Variants in CEP112 observed in about 807,000 individuals in gnomAD.
The protein encoded by CEP112 is centrosomal protein 112, also known as centrosomal protein of 112 kDa.
Under a neutral mutation model 153.0 loss-of-function variants are expected in CEP112, and 127 were observed. The observed-to-expected ratio is 0.83, with a 90% CI of 0.72 to 0.96. The LOEUF (loss-of-function observed/expected upper bound fraction) is 0.96. CEP112 is among the 40% of genes least tolerant of loss of function. The probability of loss-of-function intolerance (pLI) is 0.00; values close to 1 mark genes in which losing one functional copy is unlikely to be tolerated. For missense variants in CEP112, 1,089 were observed against 1,101.2 expected, an observed-to-expected ratio of 0.99 and a Z score of 0.16; for synonymous variants, 358 against 374.4, an observed-to-expected ratio of 0.96 and a Z score of 0.51.
chr17:65,870,411 T>C (rs977219070), intron 20 of CEP112, among the ~76,000 whole-genome samples: 1 of 152,238 alleles, frequency 6.6e-6, no homozygotes, highest in Non-Finnish European at 1.5e-5. Flanking sequence ...AGCACATTGA[T>C]CTATTTTGGA....
chr17:65,771,729 T>C (rs757823008), intron 21 of CEP112, among the ~76,000 whole-genome samples: 1 of 152,130 alleles, frequency 6.6e-6, no homozygotes, highest in Non-Finnish European at 1.5e-5. Flanking sequence ...AAAGAAAGAA[T>C]CATGGCTAGG....
chr17:66,166,446 G>A (rs1019020139), intron 4 of CEP112, among the ~76,000 whole-genome samples: 7 of 152,074 alleles, frequency 4.6e-5, no homozygotes, highest in East Asian at 3.9e-4. Flanking sequence ...ACCAGACCAC[G>A]TATACTTCAC....
chr17:66,010,278 A>T (rs1448579702), intron 16 of CEP112, among the ~76,000 whole-genome samples: 1 of 152,178 alleles, frequency 6.6e-6, no homozygotes, highest in African/African-American at 2.4e-5. Context: ...GCTGGTGTAT[A>T]AGAATGCTAG....
chr17:65,995,644 T>C (rs1426760135), intron 17 of CEP112, among the ~76,000 whole-genome samples: 1 of 152,196 alleles, frequency 6.6e-6, no homozygotes, highest in African/African-American at 2.4e-5. Context: ...AACAGCAACA[T>C]CTAAAAACAA....
intron 23 of CEP112, among the ~76,000 whole-genome samples, chr17:65,720,585 T>C (rs925031304): frequency 6.6e-6 from 1 of 152,054 alleles, no homozygotes; most frequent in Non-Finnish European, 1.5e-5. Flanking sequence ...TTTCTGTGGA[T>C]TGATGGCAAC....
chr17:65,667,957 C>T lies in CEP112; in HGVS notation c.2697+21172G>A, dbSNP rs150556995. On this transcript the variant is annotated intron_variant, in intron 24 of 26. Transcript: ENST00000535342. ...TGTCACCCAGGATGGAGTGCAGTGG[C>T]GCAGTCTCCACTCACTGCAACCTCA... 2.5e-3 allele frequency among the ~76,000 whole-genome samples: 371 copies of T among 150,830 alleles called. 3 individuals are homozygous for T. The highest frequency in any genetic ancestry group is 8.3e-3 in the African/African-American group (340 of 40,992).
At chr17:65,824,712 A>G (rs970407633) in intron 21 of CEP112, among the ~76,000 whole-genome samples, 2 of 152,146 alleles carry the variant, frequency 1.3e-5, no homozygotes, top group African/African-American at 4.8e-5. Flanking sequence ...TTTACAGCCT[A>G]TTTATGGAAA....
At chr17:66,188,714 T>A (rs1306235376) in intron 1 of CEP112, among the ~76,000 whole-genome samples, 1 of 89,152 alleles carries the variant, frequency 1.1e-5, no homozygotes, top group South Asian at 2.6e-4. Flanking sequence ...CTGGTACTCA[T>A]CATTTTTTGT....
In CEP112 at chr17:65,666,384, C is replaced by CATACTTAG. The variant is rs138592536; in HGVS notation, c.2697+22737_2697+22744dup. ...CAATGTCTACCTCATGGGACACCCA[C>CATACTTAG]ATACTTAGTAGCCAACATTACTGAC... On this transcript the variant is annotated intron_variant, in intron 24 of 26. Coordinates refer to ENST00000535342, the MANE Select transcript of CEP112 (RefSeq NM_001199165.4). Among the ~76,000 whole-genome samples the CATACTTAG allele has an allele frequency of 5.6e-3, 852 of 152,312 alleles. 6 individuals carry two copies. Among genetic ancestry groups the CATACTTAG allele is most frequent in the African/African-American group, 0.019 (797 of 41,572 alleles).
In CEP112 at chr17:66,029,880, T is replaced by G. The variant is rs771393908; in HGVS notation, c.1362A>C (p.Glu454Asp). 6 of 1,613,404 alleles carry G rather than the reference T, an allele frequency of 3.7e-6. No homozygotes were observed. In the Admixed American group the frequency reaches 8.3e-5, roughly 22 times the overall value. Residue 454 changes from glutamate to aspartate, a missense_variant, in exon 13 of 27, where the codon GAA becomes GAC. By Grantham distance (45) the Glu-to-Asp change is conservative. Coordinates refer to ENST00000535342, the MANE Select transcript of CEP112 (RefSeq NM_001199165.4). ...ATTTCAGACAATACCTTGCCTTTACTTCTTGTAATTCACTACACGTTATCT... is the reference window on the plus strand; with the variant it reads ...ATTTCAGACAATACCTTGCCTTTACGTCTTGTAATTCACTACACGTTATCT... ...CYQITCSELQ[E>D]VKARRNTLHK...
chr17:65,815,643 T>G (rs1287782509), intron 21 of CEP112, among the ~76,000 whole-genome samples: 3 of 152,046 alleles, frequency 2.0e-5, no homozygotes, highest in African/African-American at 7.2e-5. Flanking sequence ...AACTTGGTAT[T>G]TCCTTCCATT....
chr17:65,954,111 C>T (rs1779839399), intron 18 of CEP112, among the ~76,000 whole-genome samples: 2 of 152,312 alleles, frequency 1.3e-5, no homozygotes, highest in South Asian at 4.1e-4. Flanking sequence ...CACTCCCCTG[C>T]TATTTCCACC....
rs115378862 is a variant in CEP112 at position 66,137,671 on chromosome 17, T to C, written c.471-4908A>G. Among the ~76,000 whole-genome samples the C allele has an allele frequency of 4.1e-3, 626 of 152,228 alleles. 1 individual carries two copies. Among genetic ancestry groups the C allele is most frequent in the African/African-American group, 0.014 (574 of 41,564 alleles). ...AGAGAATGGGATGATATATGCAAAG[T>C]ACTGAAAGAGAAAAACTGCCAGTCA... On this transcript the variant is annotated intron_variant, in intron 4 of 26. Coordinates refer to ENST00000535342, the MANE Select transcript of CEP112 (RefSeq NM_001199165.4).
At chr17:65,680,466 C>T (rs1231541023) in intron 24 of CEP112, among the ~76,000 whole-genome samples, 1 of 152,100 alleles carries the variant, frequency 6.6e-6, no homozygotes, top group African/African-American at 2.4e-5. Flanking sequence ...CTCCCTCCTT[C>T]TCTCCATCTG....
rs146550088 is a variant in CEP112 at position 65,711,182 on chromosome 17, C to T, written c.2608-21964G>A. On this transcript the variant is annotated intron_variant, in intron 23 of 26. Coordinates refer to ENST00000535342, the MANE Select transcript of CEP112 (RefSeq NM_001199165.4). ...CCCAGCACTAAATTCAACTGTCATA[C>T]GATCAATTGAGTTTCTAGTATTAGA... Among the ~76,000 whole-genome samples, 76 of 152,248 alleles carry T rather than the reference C, an allele frequency of 5.0e-4. No individual in the cohort carries two copies. The East Asian group carries it at 8.3e-3, about 17-fold the overall frequency.
chr17:65,900,303 C>T (rs1459894834), intron 20 of CEP112, among the ~76,000 whole-genome samples: 1 of 152,102 alleles, frequency 6.6e-6, no homozygotes, highest in African/African-American at 2.4e-5. Context: ...GTAAAACGTT[C>T]CAAGAAAGAC....
intron 23 of CEP112, among the ~76,000 whole-genome samples, chr17:65,730,219 T>C (rs1218293567): frequency 1.3e-5 from 2 of 152,332 alleles, no homozygotes; most frequent in East Asian, 1.9e-4. Flanking sequence ...AAATAAAAAC[T>C]GCCAGAGAAT....
chr17:66,072,537 T>C (rs1283926795), intron 8 of CEP112, among the ~76,000 whole-genome samples: 1 of 152,222 alleles, frequency 6.6e-6, no homozygotes, highest in Non-Finnish European at 1.5e-5. Context: ...ATTTGTCTGA[T>C]GTTTCCTCAT....
intron 17 of CEP112, among the ~76,000 whole-genome samples, chr17:65,984,660 T>C (rs1272449718): frequency 1.3e-5 from 2 of 152,190 alleles, no homozygotes; most frequent in Non-Finnish European, 2.9e-5. Context: ...AATTTTAAAG[T>C]AGAATTTTAA....
Sources: allele counts gnomAD v4.1 joint callset (sites outside exome capture counted in the v4.1 genomes callset), GRCh38; gene constraint gnomAD v4.1.1; transcripts MANE v1.5; gene names NCBI Gene and HGNC (gene_info 2026-07-23, HGNC 2026-07-21).